INSL6: variants seen among roughly 807,000 people sequenced by gnomAD.
INSL6 encodes the protein insulin like 6, also known as insulin-like peptide INSL6.
A neutral mutation model predicts 9.4 loss-of-function variants in INSL6; 16 were observed. That is an observed-to-expected ratio of 1.70 (90% CI 1.15 to 2.59). The LOEUF is 2.59. Among genes scored for constraint, INSL6 ranks in the 30% most tolerant of loss-of-function variants. The pLI is 0.00. For missense variants in INSL6, 391 were observed against 257.3 expected, an observed-to-expected ratio of 1.52 and a Z score of -3.56; for synonymous variants, 154 against 96.9, an observed-to-expected ratio of 1.59 and a Z score of -3.46.
chr9:5,066,720 G>GACTGGACTGT, the INSL6 span: 1 of 1,610,268 alleles, frequency 6.2e-7, no homozygotes, highest in Non-Finnish European at 8.5e-7. Flanking sequence ...CAGGTAATCA[G>GACTGGACTGT]ACTGGACTGT....
At chr9:5,073,548 C>A in the INSL6 span, 1 of 627,040 alleles carries the variant, frequency 1.6e-6, no homozygotes, top group African/African-American at 1.8e-5. Context: ...GTTGCAGGTC[C>A]ATATAAAGGG....
chr9:5,066,612 A>C, the INSL6 span: 1 of 874,428 alleles, frequency 1.1e-6, no homozygotes, highest in Non-Finnish European at 1.9e-6. Flanking sequence ...ATTGTTTTAG[A>C]TGACACTTGG....
the INSL6 span, among the ~76,000 whole-genome samples, chr9:5,101,452 AG>A: frequency 6.6e-6 from 1 of 152,254 alleles, no homozygotes; most frequent in East Asian, 1.9e-4. Context: ...CTCTGGGGGC[AG>A]GGCATAGCTG....
chr9:5,121,813 C>G (rs1158440619), downstream of INSL6, among the ~76,000 whole-genome samples: 1 of 151,876 alleles, frequency 6.6e-6, no homozygotes, highest in Non-Finnish European at 1.5e-5. Flanking sequence ...AGTGATAGAA[C>G]AGACAGAAAA....
chr9:5,085,304 A>G, the INSL6 span: 1 of 731,882 alleles, frequency 1.4e-6, no homozygotes, highest in Non-Finnish European at 2.6e-6. Context: ...CATGAGGTGA[A>G]GTCGAATACA....
the INSL6 span, among the ~76,000 whole-genome samples, chr9:5,105,406 A>C: frequency 2.0e-5 from 3 of 152,212 alleles, no homozygotes; most frequent in Admixed American, 2.0e-4. Flanking sequence ...TGCTCAATGA[A>C]ATACAAGAGG....
the INSL6 span, among the ~76,000 whole-genome samples, chr9:5,106,023 A>T: frequency 0.38 from 58,260 of 152,078 alleles, 14,928 homozygotes; most frequent in African/African-American, 0.74. Context: ...CATGATGAAA[A>T]CGCCAGAAAC....
downstream of INSL6, among the ~76,000 whole-genome samples, chr9:5,120,533 C>T (rs1003164952): frequency 1.3e-5 from 2 of 152,132 alleles, no homozygotes; most frequent in African/African-American, 4.8e-5. Flanking sequence ...ACGGTAATAA[C>T]TGGGGGAAAA....
At chr9:5,117,782 T>A in the INSL6 span, among the ~76,000 whole-genome samples, 1 of 152,034 alleles carries the variant, frequency 6.6e-6, no homozygotes, top group Non-Finnish European at 1.5e-5. Flanking sequence ...TTTTTAAGAG[T>A]ATACGAGGAA....
chr9:5,079,281 T>A, the INSL6 span, among the ~76,000 whole-genome samples: 2 of 132,052 alleles, frequency 1.5e-5, no homozygotes, highest in East Asian at 2.0e-4. Context: ...TCAATCAATC[T>A]ATTTGTCTGT....
At chr9:5,158,102 A>G (rs1373383637) in intron 2 of INSL6, among the ~76,000 whole-genome samples, 1 of 152,214 alleles carries the variant, frequency 6.6e-6, no homozygotes, top group African/African-American at 2.4e-5. Flanking sequence ...CAAGCAGAAG[A>G]AACAATTAGT....
the INSL6 span, among the ~76,000 whole-genome samples, chr9:5,103,778 C>T: frequency 6.6e-6 from 1 of 152,188 alleles, no homozygotes; most frequent in Non-Finnish European, 1.5e-5. Flanking sequence ...CAAAACCGCA[C>T]AACTTCATGG....
the INSL6 span, among the ~76,000 whole-genome samples, chr9:5,105,368 G>A: frequency 6.6e-6 from 1 of 152,032 alleles, no homozygotes; most frequent in African/African-American, 2.4e-5. Flanking sequence ...AGGACCTCTG[G>A]ACCTCTTCAA....
At chr9:5,065,152 T>C in the INSL6 span, 1 of 620,142 alleles carries the variant, frequency 1.6e-6, no homozygotes, top group Non-Finnish European at 2.4e-6. Flanking sequence ...TTGACAAGTT[T>C]TTTTTAAACA....
chr9:5,044,491 G>T, the INSL6 span: 3 of 1,610,162 alleles, frequency 1.9e-6, no homozygotes, highest in South Asian at 3.3e-5. Flanking sequence ...TCTTCTTGAT[G>T]ACTTTGTCAT....
At chr9:5,063,858 T>G in the INSL6 span, among the ~76,000 whole-genome samples, 1 of 152,210 alleles carries the variant, frequency 6.6e-6, no homozygotes, top group Non-Finnish European at 1.5e-5. Context: ...TGTTCACATA[T>G]GTATTAAGAT....
rs913635708 is a variant in INSL6, at chr9:5,144,889, T to C, written c.377-11297A>G. Among the ~76,000 whole-genome samples the C allele has an allele frequency of 2.6e-4, 39 of 152,198 alleles. 1 individual carries two copies. Among genetic ancestry groups the C allele is most frequent in the East Asian group, 3.9e-4 (2 of 5,194 alleles). ...GCATGTGAGATGGGTCTCTTGAAGA[T>C]AGCATACCAATGGGTCTTGGTTCTT... On this transcript the variant is annotated intron_variant, in intron 2 of 3. Transcript: ENST00000649639.
chr9:4,998,682 C>G, the INSL6 span, among the ~76,000 whole-genome samples: 1 of 151,238 alleles, frequency 6.6e-6, no homozygotes, highest in African/African-American at 2.4e-5. Flanking sequence ...GTGTAGTCAT[C>G]ATTAAGCATG....
chr9:5,141,143 C>T (rs1824489035), intron 2 of INSL6, among the ~76,000 whole-genome samples: 2 of 152,076 alleles, frequency 1.3e-5, no homozygotes, highest in African/African-American at 4.8e-5. Context: ...CATGACTTTG[C>T]TATTGTGAAT....
Sources: gnomAD v4.1 joint callset for allele counts (sites outside exome capture counted in the v4.1 genomes callset) on GRCh38, gnomAD v4.1.1 for gene constraint, MANE v1.5 for transcripts, NCBI Gene and HGNC (gene_info 2026-07-23, HGNC 2026-07-21) for gene names.